LRRC20: variants seen among roughly 807,000 people sequenced by gnomAD.
LRRC20 encodes leucine-rich repeat-containing protein 20.
A neutral mutation model predicts 14.4 loss-of-function variants in LRRC20; 11 were observed. That is an observed-to-expected ratio of 0.77 (90% CI 0.48 to 1.27). The LOEUF is 1.27. LRRC20 is among the 50% of genes most tolerant of loss of function. The pLI, the probability that LRRC20 is intolerant of heterozygous loss-of-function variation, is 0.00. For missense variants in LRRC20, 219 were observed against 251.2 expected (o/e 0.87, Z 0.87); for synonymous variants, 121 against 107.3 (o/e 1.13, Z -0.79).
intron 2 of LRRC20, among the ~76,000 whole-genome samples, chr10:70,358,809 A>G (rs1162666318): frequency 6.6e-6 from 1 of 152,088 alleles, no homozygotes; most frequent in Admixed American, 6.6e-5. Context: ...GCTGGTAGAG[A>G]TCTGCAGCCT....
rs1283559216 is a variant in LRRC20 at position 70,323,927 on chromosome 10, G to GAAGT, written c.332_335dup (p.Phe112LeufsTer4). ...CCGGCAGGGCGGTAAGCTGCTCAGGGAAGTCCTGGAACTGGTTCCGGGACA... is the reference window on the plus strand; with the variant it reads ...CCGGCAGGGCGGTAAGCTGCTCAGGGAAGTAAGTCCTGGAACTGGTTCCGGGACA... On this transcript the variant is annotated frameshift_variant, in exon 4 of 5. Transcript: ENST00000446961. LOFTEE classifies it high-confidence loss of function. The GAAGT allele has an allele frequency of 3.1e-6, 5 of 1,614,120 alleles. No homozygotes were observed. In the East Asian group the frequency reaches 1.1e-4, roughly 36 times the overall value.
Position 70,311,442 on chromosome 10 carries a change from G to A in LRRC20, c.401-9934C>T, listed in dbSNP as rs183495297. ...TCACCATATTGGCCAGGCTGGTCTC[G>A]AACTCCTGACCTCAAGTGATCCACC... is the stretch of plus-strand genomic sequence containing the variant. On this transcript the variant is annotated intron_variant, in intron 4 of 4. Coordinates refer to ENST00000446961, the MANE Select transcript of LRRC20 (RefSeq NM_001278212.2). Among the ~76,000 whole-genome samples the A allele has an allele frequency of 8.0e-3, 1,222 of 151,946 alleles. 7 individuals are homozygous for A. Among genetic ancestry groups the A allele is most frequent in the African/African-American group, 0.02 (822 of 41,438 alleles).
chr10:70,312,253 G>A (rs549034965), intron 4 of LRRC20, among the ~76,000 whole-genome samples: 73 of 152,260 alleles, frequency 4.8e-4, no homozygotes, highest in South Asian at 3.3e-3. Context: ...GATCAAGGAC[G>A]CCTTGCTGTG....
intron 2 of LRRC20, among the ~76,000 whole-genome samples, chr10:70,355,576 C>T (rs1270084966): frequency 6.6e-6 from 1 of 152,214 alleles, no homozygotes; most frequent in Non-Finnish European, 1.5e-5. Context: ...GGGGAAACCA[C>T]TCAACTTGAA....
rs1193154629 is a variant in LRRC20 at position 70,382,569 on chromosome 10, C to T, written c.-84G>A. 1 of 151,920 alleles carries T rather than the reference C, an allele frequency of 6.6e-6. No homozygotes were observed. The highest frequency in any genetic ancestry group is 1.5e-5 in the Non-Finnish European group (1 of 67,914). 9.4% of individuals were successfully genotyped at this position (151,920 alleles called of 1,614,324 possible). A position where few individuals can be genotyped will look rare whatever the true frequency, so the allele number is the denominator to read the frequency against. On this transcript the variant is annotated 5_prime_UTR_variant, in exon 1 of 5. Transcript: ENST00000446961. ...CTTACGGCGACAATGCCTCCTAGCG[C>T]CCTGCGCAGCGCAGTCACGCTCCCT...
intron 3 of LRRC20, among the ~76,000 whole-genome samples, chr10:70,326,458 T>C (rs1842327240): frequency 6.6e-6 from 1 of 152,072 alleles, no homozygotes; most frequent in Non-Finnish European, 1.5e-5. Context: ...CTTGTGTCAC[T>C]CAGAAAATAT....
chr10:70,360,214 G>T (rs557142388), intron 2 of LRRC20, among the ~76,000 whole-genome samples: 21 of 151,924 alleles, frequency 1.4e-4, no homozygotes, highest in Non-Finnish European at 2.4e-4. Flanking sequence ...GCGCCCATCC[G>T]CATTTCTTTT....
chr10:70,300,578 G>A lies in LRRC20; in HGVS notation c.*776C>T. 1 of 985,538 alleles carries A rather than the reference G, an allele frequency of 1.0e-6. No homozygotes were observed. The allele number at this position is 985,538 out of a possible 1,614,324, so 61.0% of individuals were successfully genotyped here. On this transcript the variant is annotated 3_prime_UTR_variant, in exon 5 of 5. Transcript: ENST00000446961. ...TGTAACTGACTCTGCTGTTCTCTGG[G>A]CCACCTCTCCCGCAGCTCAGGAGTG...
intron 4 of LRRC20, among the ~76,000 whole-genome samples, chr10:70,317,118 G>GA (rs1230340972): frequency 5.3e-5 from 8 of 152,224 alleles, no homozygotes; most frequent in Non-Finnish European, 1.2e-4. Context: ...GGGCAGGAGA[G>GA]AAGTGCCACA....
chr10:70,324,429 G>A (rs1450698758), intron 3 of LRRC20, among the ~76,000 whole-genome samples: 3 of 152,204 alleles, frequency 2.0e-5, no homozygotes, highest in Admixed American at 2.0e-4. Context: ...CTCCATTTAG[G>A]GGACACCACT....
chr10:70,355,898 C>CGCT (rs1843500430), intron 2 of LRRC20, among the ~76,000 whole-genome samples: 1 of 196 alleles, frequency 5.1e-3, no homozygotes, highest in Admixed American at 0.083. Flanking sequence ...CTCTGACAAA[C>CGCT]GCACACACGA....
chr10:70,325,951 TG>T (rs1842301239), intron 3 of LRRC20, among the ~76,000 whole-genome samples: 1 of 152,194 alleles, frequency 6.6e-6, no homozygotes, highest in Non-Finnish European at 1.5e-5. Context: ...CACTTAAAAC[TG>T]GCATTCCACA....
intron 4 of LRRC20, 104 bp downstream of exon 4, chr10:70,323,759 A>G: frequency 7.6e-7 from 1 of 1,314,426 alleles, no homozygotes; most frequent in Non-Finnish European, 1.1e-6. Flanking sequence ...CTCAGACAGA[A>G]AGCCCAAGCT....
chr10:70,300,618 G>C lies in LRRC20; in HGVS notation c.*736C>G. ...GCTCAGGAGTGATGCTAGAGGGACG[G>C]AGCACTCAGGACTTCCCACCCCGCC... On this transcript the variant is annotated 3_prime_UTR_variant, in exon 5 of 5. Transcript: ENST00000446961. The C allele has an allele frequency of 1.0e-6, 1 of 985,574 alleles. No homozygotes were observed. The highest frequency in any genetic ancestry group is 4.7e-5 in the South Asian group (1 of 21,292). 61.1% of individuals were successfully genotyped at this position (985,574 alleles called of 1,614,324 possible). A position where few individuals can be genotyped will look rare whatever the true frequency, so the allele number is the denominator to read the frequency against.
chr10:70,340,079 C>T (rs979679914), intron 3 of LRRC20, among the ~76,000 whole-genome samples: 5 of 151,840 alleles, frequency 3.3e-5, no homozygotes, highest in African/African-American at 1.2e-4. Flanking sequence ...CGAGATCACA[C>T]CGCTGCACTC....
Position 70,323,854 on chromosome 10 carries a change from C to A in LRRC20, c.400+9G>T, listed in dbSNP as rs1377980367. 6.2e-6 allele frequency: 10 copies of A among 1,613,876 alleles called. No individual in the cohort carries two copies. The highest frequency in any genetic ancestry group is 1.7e-6 in the Non-Finnish European group (2 of 1,179,910). On this transcript the variant is annotated intron_variant, in intron 4 of 4. Coordinates refer to ENST00000446961, the MANE Select transcript of LRRC20 (RefSeq NM_001278212.2). ...GCAGCCCAGGGCCAGGTGGGCCAGG[C>A]CCACTCACCTACGATCTCGTTCTCC...
chr10:70,300,906 C>T lies in LRRC20; in HGVS notation c.*448G>A. 1 of 989,762 alleles carries T rather than the reference C, an allele frequency of 1.0e-6. No individual in the cohort carries two copies. The highest frequency in any genetic ancestry group is 6.1e-5 in the Admixed American group (1 of 16,412). 61.3% of individuals were successfully genotyped at this position (989,762 alleles called of 1,614,324 possible). On this transcript the variant is annotated 3_prime_UTR_variant, in exon 5 of 5. Coordinates refer to ENST00000446961, the MANE Select transcript of LRRC20 (RefSeq NM_001278212.2). ...TGGAGGTTGTCTTCTCTTCTCAGGG[C>T]AGCAACTGGCTCTCAGCACTAAAAA...
chr10:70,315,910 G>A (rs1015911068), intron 4 of LRRC20, among the ~76,000 whole-genome samples: 12 of 152,108 alleles, frequency 7.9e-5, no homozygotes, highest in East Asian at 5.8e-4. Flanking sequence ...CTGACTTGCC[G>A]AGTGCATCAG....
chr10:70,376,854 A>G, intron 1 of LRRC20: 1 of 352,298 alleles, frequency 2.8e-6, no homozygotes, highest in Non-Finnish European at 5.3e-6. Flanking sequence ...CTCACCAGAC[A>G]TGGGGACCAG....
Sources: allele counts gnomAD v4.1 joint callset (sites outside exome capture counted in the v4.1 genomes callset), GRCh38; gene constraint gnomAD v4.1.1; transcripts MANE v1.5; gene names NCBI Gene and HGNC (gene_info 2026-07-23, HGNC 2026-07-21).